PCDH15: variants seen among roughly 807,000 people sequenced by gnomAD.
PCDH15 encodes protocadherin-15.
Under a neutral mutation model 178.5 loss-of-function variants are expected in PCDH15, and 129 were observed. The ratio of observed to expected loss-of-function variants is 0.72; its 90% CI spans 0.63 to 0.84. PCDH15 has a LOEUF of 0.84. Among genes scored for constraint, PCDH15 ranks in the 40% least tolerant of loss-of-function variants. PCDH15 has a pLI of 0.00. For missense variants in PCDH15, 2,230 were observed against 2,099.9 expected, an observed-to-expected ratio of 1.06 and a Z score of -1.21; for synonymous variants, 800 against 732.0, an observed-to-expected ratio of 1.09 and a Z score of -1.50.
chr10:55,192,257 T>TG (rs1208738119), intron 1 of PCDH15, among the ~76,000 whole-genome samples: 1 of 151,646 alleles, frequency 6.6e-6, no homozygotes, highest in African/African-American at 2.4e-5. Flanking sequence ...CCAAAACCAC[T>TG]GGGGGGTTAT....
intron 1 of PCDH15, among the ~76,000 whole-genome samples, chr10:54,723,654 G>T (rs1297223892): frequency 6.6e-6 from 1 of 151,496 alleles, no homozygotes; most frequent in Non-Finnish European, 1.5e-5. Flanking sequence ...GCTTCTGACA[G>T]AAGACTAATA....
intron 2 of PCDH15, among the ~76,000 whole-genome samples, chr10:54,631,195 T>C (rs2093691585): frequency 6.6e-6 from 1 of 152,078 alleles, no homozygotes; most frequent in Non-Finnish European, 1.5e-5. Context: ...ATTTAAAATG[T>C]GTGGCACTTC....
rs548817809 is a variant in PCDH15, at chr10:55,194,426, T to G, written c.-155-27775A>C. Among the ~76,000 whole-genome samples the G allele has an allele frequency of 4.0e-4, 61 of 152,204 alleles. 1 individual carries two copies. The highest frequency in any genetic ancestry group is 8.4e-4 in the African/African-American group (35 of 41,504). Reference sequence around the variant, plus strand: ...CCAATGTTACAGGAGATGAACCATTTCAATTTTTTAGAGATAAAGAAACAG... The same window carrying G: ...CCAATGTTACAGGAGATGAACCATTGCAATTTTTTAGAGATAAAGAAACAG... On this transcript the variant is annotated intron_variant, in intron 1 of 5. Coordinates refer to the PCDH15 transcript ENST00000458638.
At chr10:54,699,105 T>A (rs990034759) in intron 1 of PCDH15, among the ~76,000 whole-genome samples, 1 of 152,120 alleles carries the variant, frequency 6.6e-6, no homozygotes, top group African/African-American at 2.4e-5. Context: ...AGATCTAGTG[T>A]CTGAAATCAT....
chr10:54,584,937 T>C (rs771279426), intron 2 of PCDH15, among the ~76,000 whole-genome samples: 11 of 152,152 alleles, frequency 7.2e-5, no homozygotes, highest in Non-Finnish European at 1.5e-4. Context: ...TCAGGAACGA[T>C]GATAAGAATA....
intron 2 of PCDH15, among the ~76,000 whole-genome samples, chr10:55,063,866 C>T (rs1294033367): frequency 1.3e-5 from 2 of 152,092 alleles, no homozygotes; most frequent in African/African-American, 4.8e-5. Context: ...AGAAGGTAAA[C>T]AAACAACTAG....
At chr10:54,845,571 T>C (rs1953494818) in intron 3 of PCDH15, among the ~76,000 whole-genome samples, 2 of 152,126 alleles carry the variant, frequency 1.3e-5, no homozygotes, top group South Asian at 4.1e-4. Flanking sequence ...CAAAGCCTTA[T>C]ACAGGCTTTT....
At chr10:54,168,296 CTG>C (rs1369323527) in intron 13 of PCDH15, among the ~76,000 whole-genome samples, 1 of 152,156 alleles carries the variant, frequency 6.6e-6, no homozygotes, top group Non-Finnish European at 1.5e-5. Context: ...TTCCTAGTCT[CTG>C]TGCCCAATGC....
intron 2 of PCDH15, among the ~76,000 whole-genome samples, chr10:54,530,241 T>C (rs530076059): frequency 3.3e-5 from 5 of 152,280 alleles, no homozygotes; most frequent in Admixed American, 3.3e-4. Context: ...TTTATGTTTT[T>C]TGCATCAACT....
chr10:54,631,558 C>T lies in PCDH15; in HGVS notation c.91+32614G>A, dbSNP rs145853887. ...CAGCATTTACGTGACTAGGGATACACACTAAGGAAAATAAATCATCCTACA... is the reference window on the plus strand; with the variant it reads ...CAGCATTTACGTGACTAGGGATACATACTAAGGAAAATAAATCATCCTACA... On this transcript the variant is annotated intron_variant, in intron 2 of 37. Coordinates refer to ENST00000644397, the MANE Select transcript of PCDH15 (RefSeq NM_001384140.1). 5.3e-4 allele frequency among the ~76,000 whole-genome samples: 81 copies of T among 152,168 alleles called. No individual in the cohort carries two copies. The East Asian group carries it at 0.014, about 27-fold the overall frequency.
At chr10:55,610,053 T>C (rs920175579) in intron 2 of PCDH15, among the ~76,000 whole-genome samples, 1 of 152,026 alleles carries the variant, frequency 6.6e-6, no homozygotes, top group Non-Finnish European at 1.5e-5. Flanking sequence ...CAGAGATATA[T>C]CTTAGGTAAT....
At chr10:54,089,149 G>T (rs11591621) in intron 16 of PCDH15, among the ~76,000 whole-genome samples, 30,446 of 152,100 alleles carry the variant, frequency 0.2, 3,311 homozygotes, top group Non-Finnish European at 0.25. Context: ...GGTATTTCTG[G>T]GAAGACTAAT....
intron 5 of PCDH15, among the ~76,000 whole-genome samples, chr10:54,348,694 T>G (rs1282834022): frequency 6.6e-6 from 1 of 152,218 alleles, no homozygotes; most frequent in South Asian, 2.1e-4. Flanking sequence ...TACTTTTTTG[T>G]GGTGAGAGCA....
Position 54,903,829 on chromosome 10 carries a change from T to C in PCDH15, c.-79-6329A>G, listed in dbSNP as rs951218173. Among the ~76,000 whole-genome samples, 5 of 152,134 alleles carry C rather than the reference T, an allele frequency of 3.3e-5. No individual in the cohort carries two copies. The South Asian group carries it at 6.2e-4, about 19-fold the overall frequency. ...TTTTATTGCAGTGTTTCAATAGTTATTTAAATGGTAGAGTTCATTTGTCAA... is the reference window on the plus strand; with the variant it reads ...TTTTATTGCAGTGTTTCAATAGTTACTTAAATGGTAGAGTTCATTTGTCAA... On this transcript the variant is annotated intron_variant, in intron 2 of 5. Transcript: ENST00000458638.
At chr10:54,580,998 C>T (rs574370459) in intron 2 of PCDH15, among the ~76,000 whole-genome samples, 1 of 152,030 alleles carries the variant, frequency 6.6e-6, no homozygotes, top group Non-Finnish European at 1.5e-5. Flanking sequence ...CAACATCATA[C>T]TGAATGGGCA....
chr10:54,151,143 A>T lies in PCDH15; in HGVS notation c.1784+1957T>A, dbSNP rs148220286. On this transcript the variant is annotated intron_variant, in intron 14 of 37. Coordinates refer to ENST00000644397, the MANE Select transcript of PCDH15 (RefSeq NM_001384140.1). ...TTTTTTTAACATATTAATAGTTTTT[A>T]AAACCATAGACCAATCTAATGGGGA... is the stretch of plus-strand genomic sequence containing the variant. Among the ~76,000 whole-genome samples the T allele has an allele frequency of 1.0e-3, 153 of 152,310 alleles. 3 individuals carry two copies. In the East Asian group the frequency reaches 0.026, roughly 26 times the overall value.
chr10:55,486,942 A>G (rs1303204796), intron 2 of PCDH15, among the ~76,000 whole-genome samples: 6 of 151,494 alleles, frequency 4.0e-5, no homozygotes, highest in Non-Finnish European at 7.4e-5. Context: ...ACCTACTAAA[A>G]CTTCAACATT....
Position 55,219,672 on chromosome 10 carries a change from A to G in PCDH15, c.-155-53021T>C, listed in dbSNP as rs545197797. On this transcript the variant is annotated intron_variant, in intron 1 of 5. Transcript: ENST00000458638. ...GGCAGTGTCACAAAAGTTTTAAGGA[A>G]AATTTATAGCAATAATTTGAGAAGA... 2.0e-5 allele frequency among the ~76,000 whole-genome samples: 3 copies of G among 152,040 alleles called. No individual in the cohort carries two copies. In the South Asian group the frequency reaches 6.2e-4, roughly 31 times the overall value.
intron 2 of PCDH15, among the ~76,000 whole-genome samples, chr10:54,916,412 C>T (rs1430834161): frequency 6.6e-6 from 1 of 152,124 alleles, no homozygotes; most frequent in Non-Finnish European, 1.5e-5. Flanking sequence ...AGCTCTAGTT[C>T]ATATGTATTA....
Sources: allele counts gnomAD v4.1 joint callset (sites outside exome capture counted in the v4.1 genomes callset), GRCh38; gene constraint gnomAD v4.1.1; transcripts MANE v1.5; gene names NCBI Gene and HGNC (gene_info 2026-07-23, HGNC 2026-07-21).